The following GLIS3 variants were observed in gnomAD, a reference collection of about 807,000 sequenced individuals.
GLIS3 encodes zinc finger protein GLIS3.
In GLIS3, 53 loss-of-function variants were observed where a neutral mutation model predicts 78.6. The observed-to-expected ratio is 0.67, with a 90% CI of 0.54 to 0.85. The LOEUF is 0.85. Ranked by LOEUF, GLIS3 falls within the 40% of genes least tolerant of loss-of-function variation. The pLI, the probability that GLIS3 is intolerant of heterozygous loss-of-function variation, is 0.00. For missense variants in GLIS3, 1,703 were observed against 1,231.1 expected, an observed-to-expected ratio of 1.38 and a Z score of -5.74; for synonymous variants, 684 against 509.9, an observed-to-expected ratio of 1.34 and a Z score of -4.60.
chr9:3,925,600 T>TGC (rs920613698), intron 6 of GLIS3, among the ~76,000 whole-genome samples: 42 of 146,126 alleles, frequency 2.9e-4, no homozygotes, highest in African/African-American at 7.8e-4. Context: ...TGTGTGCGTG[T>TGC]GCGCGCGTGT....
chr9:4,079,724 T>C (rs1828387048), intron 4 of GLIS3, among the ~76,000 whole-genome samples: 1 of 150,094 alleles, frequency 6.7e-6, no homozygotes, highest in Non-Finnish European at 1.5e-5. Flanking sequence ...CCTTCTTTTC[T>C]ACCTTTGAAA....
intron 2 of GLIS3, among the ~76,000 whole-genome samples, chr9:4,271,296 G>T (rs956506857): frequency 6.6e-6 from 1 of 152,150 alleles, no homozygotes; most frequent in African/African-American, 2.4e-5. Context: ...TATGTTATCA[G>T]CAAGGCTTTG....
At position 3,829,424 on chromosome 9, in the gene GLIS3, C is replaced by T; in HGVS notation, c.2542G>A (p.Val848Ile). Residue 848 changes from valine (V) to isoleucine (I), a missense_variant, in exon 10 of 11, where the codon GTC becomes ATC. Val to Ile is a conservative substitution (Grantham distance 29). Coordinates refer to ENST00000381971, the MANE Select transcript of GLIS3 (RefSeq NM_001042413.2). ...YPDSQRIVPP[V>I]SSCSVVPSFE... ...GAAGGCACCACACTGCAGGAGCTGA[C>T]AGGCGGCACAATTCTCTGGGAATCG... 6.2e-7 allele frequency: 1 copy of T among 1,614,158 alleles called. No individual in the cohort carries two copies. The highest frequency in any genetic ancestry group is 1.7e-5 in the Admixed American group (1 of 60,026).
At chr9:4,345,824 G>A (rs540450306) in intron 2 of GLIS3, among the ~76,000 whole-genome samples, 3 of 152,160 alleles carry the variant, frequency 2.0e-5, no homozygotes, top group Non-Finnish European at 2.9e-5. Flanking sequence ...GAGAATTTGG[G>A]GAAGTGGGGA....
chr9:4,332,385 C>T (rs1817699232), intron 2 of GLIS3, among the ~76,000 whole-genome samples: 1 of 152,240 alleles, frequency 6.6e-6, no homozygotes, highest in African/African-American at 2.4e-5. Context: ...TAGCTGAGCA[C>T]ACGGCTGCTC....
At chr9:3,869,757 T>C (rs990981019) in intron 8 of GLIS3, among the ~76,000 whole-genome samples, 1 of 152,180 alleles carries the variant, frequency 6.6e-6, no homozygotes, top group Non-Finnish European at 1.5e-5. Context: ...ACTCAGTACA[T>C]GGCAGTATGG....
rs79614443 is a variant in GLIS3, at chr9:4,184,313, T to C, written c.389-58372A>G. Among the ~76,000 whole-genome samples the C allele has an allele frequency of 9.7e-3, 1,481 of 152,282 alleles. 23 individuals are homozygous for C. Among genetic ancestry groups the C allele is most frequent in the African/African-American group, 0.034 (1,423 of 41,538 alleles). ...GAAGATATGTGACTGCACAAGGATGTTGTAAAGGAGAAAACTTGTTTAAAA... is the reference window on the plus strand; with the variant it reads ...GAAGATATGTGACTGCACAAGGATGCTGTAAAGGAGAAAACTTGTTTAAAA... On this transcript the variant is annotated intron_variant, in intron 2 of 10. Coordinates refer to ENST00000381971, the MANE Select transcript of GLIS3 (RefSeq NM_001042413.2).
chr9:3,913,125 C>T (rs1234629907), intron 6 of GLIS3, among the ~76,000 whole-genome samples: 5 of 152,166 alleles, frequency 3.3e-5, no homozygotes, highest in African/African-American at 1.2e-4. Context: ...TATGTTACAG[C>T]TTAGGAAGTG....
intron 2 of GLIS3, among the ~76,000 whole-genome samples, chr9:4,155,630 G>C (rs1215517762): frequency 1.3e-5 from 2 of 152,258 alleles, no homozygotes; most frequent in East Asian, 1.9e-4. Flanking sequence ...CTGAATTTCA[G>C]AGAGTCCGAG....
upstream of GLIS3, among the ~76,000 whole-genome samples, chr9:4,300,518 G>C (rs1817024035): frequency 6.6e-6 from 1 of 152,136 alleles, no homozygotes; most frequent in Non-Finnish European, 1.5e-5. Flanking sequence ...AACTGGATAG[G>C]TGAAGCACTA....
intron 2 of GLIS3, among the ~76,000 whole-genome samples, chr9:4,225,948 T>TA (rs1375966628): frequency 6.6e-6 from 1 of 152,192 alleles, no homozygotes; most frequent in Non-Finnish European, 1.5e-5. Context: ...CAAGAACACT[T>TA]ATTAGCGCCA....
chr9:4,022,472 G>A (rs1339743627), intron 4 of GLIS3, among the ~76,000 whole-genome samples: 1 of 152,140 alleles, frequency 6.6e-6, no homozygotes. Flanking sequence ...ATGCAAATAT[G>A]TATGCACTGC....
chr9:4,425,471 G>C, the GLIS3 span, among the ~76,000 whole-genome samples: 2 of 152,184 alleles, frequency 1.3e-5, no homozygotes, highest in African/African-American at 4.8e-5. Flanking sequence ...GGCAGGGCCT[G>C]CCAGGCAAGT....
At chr9:4,338,069 T>C (rs114745958) in intron 2 of GLIS3, among the ~76,000 whole-genome samples, 2,115 of 151,398 alleles carry the variant, frequency 0.014, 44 homozygotes, top group African/African-American at 0.048. Flanking sequence ...TGTGTTTAGT[T>C]TTGAAATGCA....
At chr9:4,053,723 A>AAAAAAAAAAAAAAT (rs33993580) in intron 4 of GLIS3, among the ~76,000 whole-genome samples, 3 of 151,006 alleles carry the variant, frequency 2.0e-5, no homozygotes, top group African/African-American at 7.3e-5. Flanking sequence ...AAAAAAAAAA[A>AAAAAAAAAAAAAAT]TTCTGGATAG....
At chr9:3,984,353 C>T (rs1462566233) in intron 4 of GLIS3, among the ~76,000 whole-genome samples, 1 of 152,238 alleles carries the variant, frequency 6.6e-6, no homozygotes, top group Admixed American at 6.5e-5. Context: ...GAACACACCT[C>T]TTGCATCAGC....
chr9:4,470,036 C>T, the GLIS3 span, among the ~76,000 whole-genome samples: 3 of 152,154 alleles, frequency 2.0e-5, no homozygotes, highest in African/African-American at 7.2e-5. Flanking sequence ...CACATACACC[C>T]TGCCAAGACT....
At chr9:4,366,893 G>A in the GLIS3 span, among the ~76,000 whole-genome samples, 2 of 152,326 alleles carry the variant, frequency 1.3e-5, no homozygotes, top group African/African-American at 4.8e-5. Context: ...GAAAATTACA[G>A]GCTCGTGGAA....
intron 2 of GLIS3, among the ~76,000 whole-genome samples, chr9:4,338,624 C>G (rs1003540455): frequency 6.6e-6 from 1 of 152,152 alleles, no homozygotes; most frequent in Non-Finnish European, 1.5e-5. Flanking sequence ...GACTTGTTCA[C>G]AGGCATTGTT....
Sources: gnomAD v4.1 joint callset for allele counts (sites outside exome capture counted in the v4.1 genomes callset) on GRCh38, gnomAD v4.1.1 for gene constraint, MANE v1.5 for transcripts, NCBI Gene and HGNC (gene_info 2026-07-23, HGNC 2026-07-21) for gene names.